The following ZFAND6 variants were observed in gnomAD, a reference collection of about 807,000 sequenced individuals.
ZFAND6 encodes AN1-type zinc finger protein 6.
Under a neutral mutation model 24.5 loss-of-function variants are expected in ZFAND6, and 12 were observed. That is an observed-to-expected ratio of 0.49 (90% CI 0.31 to 0.79). ZFAND6 has a LOEUF of 0.79. ZFAND6 is among the 30% of genes least tolerant of loss of function. The pLI is 0.04. For missense variants in ZFAND6, 207 were observed against 245.9 expected, an observed-to-expected ratio of 0.84 and a Z score of 1.06; for synonymous variants, 92 against 81.5, an observed-to-expected ratio of 1.13 and a Z score of -0.69.
intron 2 of ZFAND6, among the ~76,000 whole-genome samples, chr15:80,101,791 G>GTTTTT (rs750632508): frequency 2.2e-4 from 27 of 123,092 alleles, no homozygotes; most frequent in African/African-American, 8.0e-4. Context: ...TATGTAAAGT[G>GTTTTT]TTTTTTTTTT....
chr15:80,078,628 A>G (rs958969387), intron 1 of ZFAND6, among the ~76,000 whole-genome samples: 7 of 152,188 alleles, frequency 4.6e-5, no homozygotes, highest in African/African-American at 1.7e-4. Flanking sequence ...TCTTTGGGAA[A>G]TCTCCAAATT....
At chr15:80,117,840 A>AT (rs34077311) in intron 2 of ZFAND6, among the ~76,000 whole-genome samples, 44,253 of 151,786 alleles carry the variant, frequency 0.29, 6,729 homozygotes, top group East Asian at 0.41. Context: ...GGCTTCATCT[A>AT]TTTTTTTCCC....
intron 1 of ZFAND6, among the ~76,000 whole-genome samples, chr15:80,067,294 C>G (rs1005468767): frequency 6.6e-6 from 1 of 152,100 alleles, no homozygotes; most frequent in African/African-American, 2.4e-5. Flanking sequence ...TATTATTTTA[C>G]CTCTTGTTAC....
intron 5 of ZFAND6, among the ~76,000 whole-genome samples, chr15:80,129,186 G>A (rs192582938): frequency 3.3e-5 from 5 of 152,172 alleles, no homozygotes; most frequent in African/African-American, 1.2e-4. Flanking sequence ...TGCCCTCTTG[G>A]AGCTTACATT....
intron 1 of ZFAND6, among the ~76,000 whole-genome samples, chr15:80,082,120 G>A (rs886712608): frequency 6.6e-6 from 1 of 152,184 alleles, no homozygotes; most frequent in African/African-American, 2.4e-5. Flanking sequence ...TTTCCAGTAA[G>A]CCCAGGTGGG....
At chr15:80,135,733 G>A (rs879834731) in intron 6 of ZFAND6, among the ~76,000 whole-genome samples, 1 of 151,100 alleles carries the variant, frequency 6.6e-6, no homozygotes, top group Non-Finnish European at 1.5e-5. Context: ...CCAGGAATTC[G>A]GGACCAGCCT....
At chr15:80,118,877 T>C (rs1277544099) in intron 2 of ZFAND6, among the ~76,000 whole-genome samples, 1 of 152,184 alleles carries the variant, frequency 6.6e-6, no homozygotes, top group African/African-American at 2.4e-5. Context: ...CTTCAGATAA[T>C]GTAGAGGAAG....
intron 2 of ZFAND6, among the ~76,000 whole-genome samples, chr15:80,103,491 C>T (rs1201562333): frequency 1.3e-5 from 2 of 152,126 alleles, no homozygotes; most frequent in Non-Finnish European, 2.9e-5. Context: ...AACTAGCGGC[C>T]TAGATATGCT....
chr15:80,062,398 T>A (rs538635951), intron 1 of ZFAND6, among the ~76,000 whole-genome samples: 41 of 152,350 alleles, frequency 2.7e-4, no homozygotes, highest in African/African-American at 8.9e-4. Flanking sequence ...TATTTAAATA[T>A]GTTTTAGATT....
At chr15:80,083,283 A>G (rs907860716) in intron 1 of ZFAND6, among the ~76,000 whole-genome samples, 2 of 152,004 alleles carry the variant, frequency 1.3e-5, no homozygotes, top group Admixed American at 6.5e-5. Flanking sequence ...GAGCCACCGC[A>G]CCTGGCCTAT....
chr15:80,117,667 G>A (rs541851114), intron 2 of ZFAND6, among the ~76,000 whole-genome samples: 2 of 152,276 alleles, frequency 1.3e-5, no homozygotes, highest in South Asian at 4.2e-4. Context: ...TACACAACAG[G>A]AGTGCTTCAT....
chr15:80,124,891 A>T (rs554401551), intron 5 of ZFAND6, among the ~76,000 whole-genome samples: 19 of 152,236 alleles, frequency 1.2e-4, no homozygotes, highest in South Asian at 8.3e-4. Flanking sequence ...CCTAGTTTTT[A>T]AAAAAAATTT....
At chr15:80,117,645 T>C (rs992213323) in intron 2 of ZFAND6, among the ~76,000 whole-genome samples, 4 of 152,238 alleles carry the variant, frequency 2.6e-5, no homozygotes, top group African/African-American at 9.6e-5. Context: ...TTCTTCAGTC[T>C]TCATACTTCT....
At chr15:80,104,088 C>T (rs947164457) in intron 2 of ZFAND6, among the ~76,000 whole-genome samples, 2 of 152,196 alleles carry the variant, frequency 1.3e-5, no homozygotes, top group Middle Eastern at 3.2e-3. Flanking sequence ...GCAATCCTCT[C>T]GCCTTGGTCT....
intron 5 of ZFAND6, among the ~76,000 whole-genome samples, chr15:80,127,557 T>C (rs2040417822): frequency 7.5e-6 from 1 of 133,740 alleles, no homozygotes; most frequent in South Asian, 2.4e-4. Context: ...GCCACTGCAC[T>C]CCAGCCTGGG....
chr15:80,078,246 G>A (rs1361194568), intron 1 of ZFAND6, among the ~76,000 whole-genome samples: 1 of 152,022 alleles, frequency 6.6e-6, no homozygotes, highest in Non-Finnish European at 1.5e-5. Flanking sequence ...AGTGTTTATT[G>A]TTCTCATCTT....
chr15:80,113,447 G>C (rs1407048595), intron 2 of ZFAND6, among the ~76,000 whole-genome samples: 2 of 152,096 alleles, frequency 1.3e-5, no homozygotes, highest in South Asian at 4.1e-4. Flanking sequence ...AACTTCTTTG[G>C]ACTAATTCAT....
At position 80,128,835 on chromosome 15, in the gene ZFAND6, A is replaced by G. The variant is rs569898607; in HGVS notation, c.365-2345A>G. 2.0e-5 allele frequency among the ~76,000 whole-genome samples: 3 copies of G among 152,346 alleles called. No individual in the cohort carries two copies. The South Asian group carries it at 6.2e-4, about 32-fold the overall frequency. On this transcript the variant is annotated intron_variant, in intron 5 of 6. Coordinates refer to ENST00000261749, the MANE Select transcript of ZFAND6 (RefSeq NM_019006.4). ...GGGGCTTTAGGGTTAATACTGTGAA[A>G]TGTCTTTTGAGATATGCAGTAGTAT...
chr15:80,079,799 C>T (rs368507006), intron 1 of ZFAND6, among the ~76,000 whole-genome samples: 5 of 151,030 alleles, frequency 3.3e-5, no homozygotes, highest in South Asian at 4.2e-4. Context: ...TACAGGCGCC[C>T]GCCACCACGC....
Sources: allele counts gnomAD v4.1 joint callset (sites outside exome capture counted in the v4.1 genomes callset), GRCh38; gene constraint gnomAD v4.1.1; transcripts MANE v1.5; gene names NCBI Gene and HGNC (gene_info 2026-07-23, HGNC 2026-07-21).